SPON1: variants seen among roughly 807,000 people sequenced by gnomAD.
SPON1 encodes spondin 1, also known as spondin-1.
A neutral mutation model predicts 111.7 loss-of-function variants in SPON1; 52 were observed. The observed-to-expected ratio is 0.47, with a 90% CI of 0.37 to 0.59. SPON1 has a LOEUF of 0.59. Among genes scored for constraint, SPON1 ranks in the 20% least tolerant of loss-of-function variants. SPON1 has a pLI of 0.00. For synonymous variants in SPON1, 410 were observed against 395.8 expected, an observed-to-expected ratio of 1.04 and a Z score of -0.43; for missense variants, 957 against 1,068.5, an observed-to-expected ratio of 0.90 and a Z score of 1.46.
intron 7 of SPON1, among the ~76,000 whole-genome samples, chr11:14,250,522 C>T (rs1666614071): frequency 6.6e-6 from 1 of 152,008 alleles, no homozygotes; most frequent in Non-Finnish European, 1.5e-5. Flanking sequence ...TCTGGGATCT[C>T]CAGTCTGTAT....
chr11:14,037,147 C>A (rs1322782728), intron 2 of SPON1, among the ~76,000 whole-genome samples: 1 of 151,726 alleles, frequency 6.6e-6, no homozygotes, highest in African/African-American at 2.4e-5. Flanking sequence ...TTTTAGGGTA[C>A]ATGTGCACAA....
intron 1 of SPON1, among the ~76,000 whole-genome samples, chr11:13,978,807 A>G (rs1232035940): frequency 2.6e-5 from 4 of 152,150 alleles, no homozygotes; most frequent in African/African-American, 7.2e-5. Flanking sequence ...GCGACATGAC[A>G]TGGATTTTCA....
intron 2 of SPON1, among the ~76,000 whole-genome samples, chr11:14,005,997 A>G (rs1296678543): frequency 6.6e-6 from 1 of 152,214 alleles, no homozygotes; most frequent in African/African-American, 2.4e-5. Flanking sequence ...AATTAACATG[A>G]TGTCTAACAT....
At chr11:14,123,718 C>T (rs1554926745) in intron 5 of SPON1, among the ~76,000 whole-genome samples, 1 of 152,190 alleles carries the variant, frequency 6.6e-6, no homozygotes, top group Non-Finnish European at 1.5e-5. Flanking sequence ...CCCATAAATC[C>T]TATCTACTTT....
chr11:14,120,427 C>T (rs1387262229), intron 5 of SPON1, among the ~76,000 whole-genome samples: 1 of 145,728 alleles, frequency 6.9e-6, no homozygotes, highest in Admixed American at 6.7e-5. Context: ...GCCTTTTCAG[C>T]TTGTCAGTTC....
intron 5 of SPON1, among the ~76,000 whole-genome samples, chr11:14,130,140 A>C (rs1281222839): frequency 6.6e-6 from 1 of 152,202 alleles, no homozygotes; most frequent in Non-Finnish European, 1.5e-5. Context: ...CAGAGAGCTT[A>C]AGGAATCAGC....
intron 6 of SPON1, among the ~76,000 whole-genome samples, chr11:14,182,904 A>G (rs868958159): frequency 1.1e-4 from 17 of 152,166 alleles, no homozygotes; most frequent in Admixed American, 5.2e-4. Flanking sequence ...CACGACCCCA[A>G]ATGAGCCCAG....
intron 5 of SPON1, among the ~76,000 whole-genome samples, chr11:14,096,622 GC>G (rs1849103554): frequency 6.6e-6 from 1 of 152,150 alleles, no homozygotes; most frequent in African/African-American, 2.4e-5. Flanking sequence ...CACAGCTTCT[GC>G]CCAGCCACCC....
chr11:14,096,453 C>T (rs1459689033), intron 5 of SPON1, among the ~76,000 whole-genome samples: 1 of 152,192 alleles, frequency 6.6e-6, no homozygotes, highest in East Asian at 1.9e-4. Flanking sequence ...AGGGTGACGT[C>T]GAGGGATCTC....
chr11:14,074,084 G>A (rs1414162633), intron 3 of SPON1, among the ~76,000 whole-genome samples: 1 of 152,136 alleles, frequency 6.6e-6, no homozygotes, highest in Non-Finnish European at 1.5e-5. Context: ...TTTGGCTTTG[G>A]GGTGAAGACT....
At chr11:14,101,722 G>A (rs1849145591) in intron 5 of SPON1, among the ~76,000 whole-genome samples, 1 of 152,112 alleles carries the variant, frequency 6.6e-6, no homozygotes, top group South Asian at 2.1e-4. Flanking sequence ...TAATTAAAGA[G>A]AAGAAAAAGC....
At chr11:14,029,918 A>G (rs1373003973) in intron 2 of SPON1, among the ~76,000 whole-genome samples, 4 of 152,222 alleles carry the variant, frequency 2.6e-5, no homozygotes, top group African/African-American at 9.6e-5. Context: ...GATAAGGAGA[A>G]TCAGTCCAGA....
At chr11:14,002,440 G>T (rs1349240766) in intron 2 of SPON1, among the ~76,000 whole-genome samples, 1 of 152,100 alleles carries the variant, frequency 6.6e-6, no homozygotes, top group African/African-American at 2.4e-5. Context: ...ATTAGTGACT[G>T]ACCTGAAACA....
At chr11:14,207,718 G>A (rs930081945) in intron 6 of SPON1, among the ~76,000 whole-genome samples, 5 of 152,114 alleles carry the variant, frequency 3.3e-5, no homozygotes, top group African/African-American at 1.2e-4. Flanking sequence ...CATAACACAT[G>A]CTGGCAAGGT....
At chr11:14,044,605 C>G (rs532862646) in intron 3 of SPON1, among the ~76,000 whole-genome samples, 7 of 152,298 alleles carry the variant, frequency 4.6e-5, no homozygotes, top group Admixed American at 2.6e-4. Flanking sequence ...GAGTGAAACC[C>G]CATCTCAAAT....
chr11:14,006,822 G>A (rs1224451200), intron 2 of SPON1, among the ~76,000 whole-genome samples: 3 of 152,184 alleles, frequency 2.0e-5, no homozygotes, highest in African/African-American at 7.2e-5. Flanking sequence ...TCACATTTCA[G>A]TGCAGATTGG....
intron 6 of SPON1, among the ~76,000 whole-genome samples, chr11:14,176,108 C>T (rs375398240): frequency 6.6e-5 from 10 of 152,130 alleles, no homozygotes; most frequent in South Asian, 2.1e-4. Flanking sequence ...ACAGGCACTC[C>T]GAGACAGGCC....
chr11:14,244,908 C>A (rs782211214), intron 7 of SPON1, among the ~76,000 whole-genome samples: 2 of 152,206 alleles, frequency 1.3e-5, no homozygotes, highest in Non-Finnish European at 2.9e-5. Flanking sequence ...CATGCTGCAC[C>A]TCATACAGGC....
intron 2 of SPON1, among the ~76,000 whole-genome samples, chr11:14,005,772 T>C (rs1321650919): frequency 2.0e-5 from 3 of 152,248 alleles, no homozygotes; most frequent in Non-Finnish European, 4.4e-5. Flanking sequence ...CTTCAGGCTA[T>C]GCACAAAGGG....
Sources: gnomAD v4.1 joint callset for allele counts (sites outside exome capture counted in the v4.1 genomes callset) on GRCh38, gnomAD v4.1.1 for gene constraint, MANE v1.5 for transcripts, NCBI Gene and HGNC (gene_info 2026-07-23, HGNC 2026-07-21) for gene names.